DPH6: variants seen among roughly 807,000 people sequenced by gnomAD.
DPH6 encodes the protein diphthine--ammonia ligase.
In DPH6, 33 loss-of-function variants were observed where a neutral mutation model predicts 38.2. That is an observed-to-expected ratio of 0.86 (90% CI 0.65 to 1.15). The LOEUF is 1.15. Among genes scored for constraint, DPH6 ranks in the 50% most tolerant of loss-of-function variants. The pLI is 0.00. For synonymous variants in DPH6, 108 were observed against 103.0 expected, an observed-to-expected ratio of 1.05 and a Z score of -0.30; for missense variants, 325 against 320.0, an observed-to-expected ratio of 1.02 and a Z score of -0.12.
chr15:35,493,311 T>C (rs115759693), intron 3 of DPH6, among the ~76,000 whole-genome samples: 1,560 of 152,300 alleles, frequency 0.01, 23 homozygotes, highest in African/African-American at 0.036. Flanking sequence ...CACAAATCTA[T>C]TATAATTGAT....
chr15:35,379,765 T>C (rs2052839460), intron 7 of DPH6, among the ~76,000 whole-genome samples: 1 of 152,126 alleles, frequency 6.6e-6, no homozygotes, highest in African/African-American at 2.4e-5. Context: ...TAAAAGTATG[T>C]GAAATACCAT....
chr15:35,494,707 T>TTG, intron 3 of DPH6, among the ~76,000 whole-genome samples: 1 of 152,030 alleles, frequency 6.6e-6, no homozygotes, highest in African/African-American at 2.4e-5. Flanking sequence ...ATATCAAAAC[T>TTG]ATCAATCAAT....
chr15:35,268,208 TAAATAAATAAAAG>T (rs2051796813), intron 3 of DPH6, among the ~76,000 whole-genome samples: 1 of 122,436 alleles, frequency 8.2e-6, no homozygotes, highest in African/African-American at 3.2e-5. Flanking sequence ...AATAAATAAA[TAAATAAATAAAAG>T]AAAACTGAAG....
chr15:35,431,557 G>A (rs2053632596), intron 5 of DPH6, among the ~76,000 whole-genome samples: 1 of 152,128 alleles, frequency 6.6e-6, no homozygotes, highest in Non-Finnish European at 1.5e-5. Context: ...CAGGGTGCCA[G>A]AGGCTATAAA....
intron 3 of DPH6, among the ~76,000 whole-genome samples, chr15:35,333,985 G>A (rs1439518973): frequency 6.6e-6 from 1 of 152,072 alleles, no homozygotes; most frequent in African/African-American, 2.4e-5. Context: ...GGACATGGAT[G>A]GAATTGGAAG....
chr15:35,185,804 C>T, the DPH6 span, among the ~76,000 whole-genome samples: 1 of 143,406 alleles, frequency 7.0e-6, no homozygotes, highest in Non-Finnish European at 1.5e-5. Flanking sequence ...AGCTCATCGG[C>T]TCACTGCAAG....
At position 35,370,882 on chromosome 15, in the gene DPH6, C is replaced by T. The variant is rs2052705228; in HGVS notation, c.*1268G>A. On this transcript the variant is annotated 3_prime_UTR_variant, in exon 9 of 9. Transcript: ENST00000256538. The stretch of plus-strand genomic sequence containing the variant: ...ACTTATCTTCACACAAAAACCTGTT[C>T]ATGGATGTTTATAGTCGCTTTATTC... The T allele has an allele frequency of 6.6e-6, 1 of 151,590 alleles. No individual in the cohort carries two copies. The highest frequency in any genetic ancestry group is 2.4e-5 in the African/African-American group (1 of 41,340). 9.4% of individuals were successfully genotyped at this position (151,590 alleles called of 1,614,324 possible). A position where few individuals can be genotyped will look rare whatever the true frequency, so the allele number is the denominator to read the frequency against.
chr15:35,480,792 T>G lies in DPH6; in HGVS notation c.313-25972A>C, dbSNP rs185028035. ...TTATCCTGTCTTTCTCATATAAACT[T>G]ATTTTGGGTAACCACTGAGTAACCA... On this transcript the variant is annotated intron_variant, in intron 3 of 8. Transcript: ENST00000256538. 4.8e-3 allele frequency among the ~76,000 whole-genome samples: 734 copies of G among 152,180 alleles called. 10 individuals carry two copies. The highest frequency in any genetic ancestry group is 0.017 in the African/African-American group (706 of 41,536).
chr15:35,190,192 G>A, the DPH6 span, among the ~76,000 whole-genome samples: 1 of 152,212 alleles, frequency 6.6e-6, no homozygotes, highest in Non-Finnish European at 1.5e-5. Flanking sequence ...AGGCAGATAA[G>A]GGAAGATTAT....
At chr15:35,462,942 AT>A (rs1439063450) in intron 3 of DPH6, among the ~76,000 whole-genome samples, 3 of 152,166 alleles carry the variant, frequency 2.0e-5, no homozygotes, top group Admixed American at 6.6e-5. Flanking sequence ...TAAAATTACC[AT>A]TTGGTAATAT....
intron 3 of DPH6, chr15:35,489,804 C>A: frequency 1.0e-6 from 1 of 980,924 alleles, no homozygotes; most frequent in Non-Finnish European, 1.2e-6. Flanking sequence ...CCTTCATGTG[C>A]CGTTTTATTT....
intron 6 of DPH6, among the ~76,000 whole-genome samples, chr15:35,397,869 A>ATACACACATG (rs1555398531): frequency 8.3e-5 from 9 of 108,530 alleles, no homozygotes; most frequent in Admixed American, 7.4e-4. Flanking sequence ...TTATATATAT[A>ATACACACATG]CACACACACA....
chr15:35,390,981 C>T (rs1566892363), intron 6 of DPH6, among the ~76,000 whole-genome samples: 1 of 152,088 alleles, frequency 6.6e-6, no homozygotes, highest in Non-Finnish European at 1.5e-5. Flanking sequence ...TTTTGTCTAC[C>T]TTTGGTCTTT....
intron 3 of DPH6, among the ~76,000 whole-genome samples, chr15:35,355,045 T>C (rs1361822431): frequency 6.6e-6 from 1 of 152,170 alleles, no homozygotes; most frequent in African/African-American, 2.4e-5. Context: ...CGTAATGGCC[T>C]TCTTTGTCTC....
intron 3 of DPH6, among the ~76,000 whole-genome samples, chr15:35,466,872 T>TA (rs2054132845): frequency 1.3e-5 from 2 of 152,122 alleles, no homozygotes; most frequent in South Asian, 4.1e-4. Context: ...AAAATACAAT[T>TA]AAAAAGATAC....
At chr15:35,179,224 A>G in the DPH6 span, among the ~76,000 whole-genome samples, 1 of 151,140 alleles carries the variant, frequency 6.6e-6, no homozygotes, top group African/African-American at 2.4e-5. Flanking sequence ...AAAAAAAAAA[A>G]AAAGAAAAAA....
chr15:35,182,040 T>C, the DPH6 span, among the ~76,000 whole-genome samples: 1 of 152,066 alleles, frequency 6.6e-6, no homozygotes, highest in Non-Finnish European at 1.5e-5. Flanking sequence ...AAAGTAATAC[T>C]TTTAATTATA....
chr15:35,204,339 G>A, the DPH6 span, among the ~76,000 whole-genome samples: 1 of 151,726 alleles, frequency 6.6e-6, no homozygotes, highest in East Asian at 1.9e-4. Context: ...GTTATTGGGC[G>A]TCCTCTTATT....
chr15:35,406,083 T>G (rs1228408935), intron 6 of DPH6, among the ~76,000 whole-genome samples: 1 of 152,104 alleles, frequency 6.6e-6, no homozygotes, highest in African/African-American at 2.4e-5. Flanking sequence ...TGATAAATAT[T>G]ATATGCCATG....
Sources: allele counts gnomAD v4.1 joint callset (sites outside exome capture counted in the v4.1 genomes callset), GRCh38; gene constraint gnomAD v4.1.1; transcripts MANE v1.5; gene names NCBI Gene and HGNC (gene_info 2026-07-23, HGNC 2026-07-21).